Variants in TULP4 observed in about 807,000 individuals in gnomAD.
The protein encoded by TULP4 is TUB like protein 4, also known as tubby-related protein 4.
In TULP4, 16 loss-of-function variants were observed where a neutral mutation model predicts 129.0. The ratio of observed to expected loss-of-function variants is 0.12; its 90% CI spans 0.08 to 0.19. The LOEUF (loss-of-function observed/expected upper bound fraction) is 0.19. Ranked by LOEUF, TULP4 falls within the 10% of genes least tolerant of loss-of-function variation. The pLI is 1.00. For missense variants in TULP4, 1,842 were observed against 2,059.1 expected, an observed-to-expected ratio of 0.89 and a Z score of 2.04; for synonymous variants, 998 against 854.0, an observed-to-expected ratio of 1.17 and a Z score of -2.94.
In TULP4 at chr6:158,493,877, G is replaced by C. The variant is rs1002123653; in HGVS notation, c.1776+160G>C. Among the ~76,000 whole-genome samples the C allele has an allele frequency of 6.6e-6, 1 of 152,126 alleles. No homozygotes were observed. Among genetic ancestry groups the C allele is most frequent in the African/African-American group, 2.4e-5 (1 of 41,420 alleles). On this transcript the variant is annotated intron_variant, in intron 10 of 13. Coordinates refer to ENST00000367097, the MANE Select transcript of TULP4 (RefSeq NM_020245.5). The surrounding 1 kb of genome is among the most constrained non-coding windows in gnomAD (Gnocchi z 4.4). ...CCTACTACCTCAGGAGTAGCCCTCA[G>C]GTGGAGCTCTGGCTTCTCCACCTGT...
chr6:158,282,098 A>G (rs933851865), upstream of TULP4, among the ~76,000 whole-genome samples: 24 of 152,120 alleles, frequency 1.6e-4, no homozygotes, highest in African/African-American at 4.6e-4. Context: ...CTTATTTTGT[A>G]TGTGCTTTTA....
chr6:158,262,049 A>C (rs966182750), intron 1 of TULP4, among the ~76,000 whole-genome samples: 1 of 152,192 alleles, frequency 6.6e-6, no homozygotes, highest in Non-Finnish European at 1.5e-5. Context: ...TGCTGCCCCA[A>C]ATAAAACCGG....
intron 1 of TULP4, among the ~76,000 whole-genome samples, chr6:158,273,034 C>T (rs1455350307): frequency 2.0e-5 from 3 of 152,178 alleles, no homozygotes; most frequent in Admixed American, 6.5e-5. Context: ...GGGACCTACC[C>T]GACACTTCAC....
At chr6:158,404,665 A>G (rs1777934629) in intron 1 of TULP4, among the ~76,000 whole-genome samples, 2 of 151,258 alleles carry the variant, frequency 1.3e-5, no homozygotes, top group Admixed American at 6.6e-5. Flanking sequence ...AATCCCAGCT[A>G]CTCAGGAGGC....
chr6:158,242,536 C>T (rs1219522642), intron 1 of TULP4: 5 of 751,174 alleles, frequency 6.7e-6, no homozygotes, highest in Non-Finnish European at 1.2e-5. Context: ...GTCTTCAAGA[C>T]ATTCTCAATT....
intron 1 of TULP4, among the ~76,000 whole-genome samples, chr6:158,305,367 A>C (rs1473105406): frequency 3.8e-5 from 5 of 131,518 alleles, no homozygotes; most frequent in Admixed American, 3.8e-4. Context: ...GTGTGTGTAC[A>C]TATACCACAT....
At chr6:158,501,244 A>G (rs2128262685) in intron 12 of TULP4, among the ~76,000 whole-genome samples, 1 of 152,300 alleles carries the variant, frequency 6.6e-6, no homozygotes, top group East Asian at 1.9e-4. Context: ...TATCCATCCC[A>G]TAATCATGAA....
intron 1 of TULP4, among the ~76,000 whole-genome samples, chr6:158,377,529 A>T (rs780313041): frequency 1.3e-5 from 2 of 152,250 alleles, no homozygotes; most frequent in Non-Finnish European, 2.9e-5. Flanking sequence ...CTAGAATTGC[A>T]GACATTTCAA....
At chr6:158,399,811 AC>A (rs1264258738) in intron 1 of TULP4, among the ~76,000 whole-genome samples, 3 of 152,108 alleles carry the variant, frequency 2.0e-5, no homozygotes, top group Non-Finnish European at 4.4e-5. Flanking sequence ...CTGACATCAG[AC>A]CCCATCCTTG....
At chr6:158,482,458 C>T (rs1466535570) in intron 8 of TULP4, among the ~76,000 whole-genome samples, 1 of 152,054 alleles carries the variant, frequency 6.6e-6, no homozygotes, top group East Asian at 1.9e-4. Flanking sequence ...CAAGCTAGTA[C>T]CAGGAACAAA....
intron 2 of TULP4, among the ~76,000 whole-genome samples, chr6:158,419,264 G>C (rs1398560302): frequency 3.9e-5 from 6 of 152,116 alleles, no homozygotes; most frequent in Non-Finnish European, 8.8e-5. Context: ...ACAGCAAGAA[G>C]TTCATGTTCT....
chr6:158,363,923 A>T (rs1780858917), intron 1 of TULP4, among the ~76,000 whole-genome samples: 1 of 152,184 alleles, frequency 6.6e-6, no homozygotes, highest in South Asian at 2.1e-4. Flanking sequence ...GATGCACAGA[A>T]TTTCTCTTTA....
At chr6:158,274,629 C>T (rs1026930656) in intron 1 of TULP4, among the ~76,000 whole-genome samples, 3 of 152,012 alleles carry the variant, frequency 2.0e-5, no homozygotes, top group East Asian at 3.9e-4. Flanking sequence ...ACAAAAAAAT[C>T]AGCCGGGTGT....
At chr6:158,344,844 C>T (rs142567040) in intron 1 of TULP4, among the ~76,000 whole-genome samples, 28 of 152,224 alleles carry the variant, frequency 1.8e-4, no homozygotes, top group South Asian at 1.0e-3. Flanking sequence ...TATCTAAAGC[C>T]GAGACAAGCT....
At chr6:158,328,079 G>GGTGTGTGTGTGTGTGTGTGTGT (rs766393090) in intron 1 of TULP4, among the ~76,000 whole-genome samples, 3 of 120,582 alleles carry the variant, frequency 2.5e-5, no homozygotes, top group East Asian at 3.0e-4. Context: ...TCTCAGAGCT[G>GGTGTGTGTGTGTGTGTGTGTGT]GTGTGTGTGT....
chr6:158,493,804 T>TC lies in TULP4; in HGVS notation c.1776+88dup. The TC allele has an allele frequency of 7.1e-7, 1 of 1,399,936 alleles. No individual in the cohort carries two copies. Among genetic ancestry groups the TC allele is most frequent in the Non-Finnish European group, 9.4e-7 (1 of 1,058,530 alleles). 86.7% of individuals were successfully genotyped at this position (1,399,936 alleles called of 1,614,324 possible). A position where few individuals can be genotyped will look rare whatever the true frequency, so the allele number is the denominator to read the frequency against. On this transcript the variant is annotated intron_variant, in intron 10 of 13. Coordinates refer to ENST00000367097, the MANE Select transcript of TULP4 (RefSeq NM_020245.5). This position sits in a 1 kb window ranked among gnomAD's most constrained non-coding sequence, Gnocchi z 4.4. ...CCTTCCTACCCGCCGCCTGCACTGC[T>TC]CACTGCCACCATGGGTCCCTGAGCT...
At chr6:158,437,529 C>T (rs1291792803) in intron 3 of TULP4, among the ~76,000 whole-genome samples, 1 of 151,314 alleles carries the variant, frequency 6.6e-6, no homozygotes, top group Non-Finnish European at 1.5e-5. Context: ...CACTGCACTC[C>T]AGCCTGGGGA....
chr6:158,328,079 G>GGTGTGTGTGTGTGTGT lies in TULP4; in HGVS notation c.252+13845_252+13860dup, dbSNP rs766393090. On this transcript the variant is annotated intron_variant, in intron 1 of 13. Coordinates refer to ENST00000367097, the MANE Select transcript of TULP4 (RefSeq NM_020245.5). ...TCCTGTTGCCAGCATTCTCAGAGCT[G>GGTGTGTGTGTGTGTGT]GTGTGTGTGTGTGTGTGTGTGTGTG... 3.4e-4 allele frequency among the ~76,000 whole-genome samples: 41 copies of GGTGTGTGTGTGTGTGT among 120,582 alleles called. No homozygotes were observed. The East Asian group carries it at 8.4e-3, about 25-fold the overall frequency. The allele number at this position is 120,582 out of a possible 152,430, so 79.1% of individuals were successfully genotyped here.
chr6:158,236,977 A>AT (rs1464088263), intron 1 of TULP4, among the ~76,000 whole-genome samples: 1 of 151,404 alleles, frequency 6.6e-6, no homozygotes, highest in Non-Finnish European at 1.5e-5. Context: ...CACCCAGCTA[A>AT]TTTTTGTATG....
Sources: allele counts gnomAD v4.1 joint callset (sites outside exome capture counted in the v4.1 genomes callset), GRCh38; gene constraint gnomAD v4.1.1; non-coding constraint Gnocchi (gnomAD v3.1); transcripts MANE v1.5; gene names NCBI Gene and HGNC (gene_info 2026-07-23, HGNC 2026-07-21).